The following MRPL53 variants were observed in gnomAD, a reference collection of about 807,000 sequenced individuals.
MRPL53 encodes the protein large ribosomal subunit protein mL53.
MRPL53 carries 7 observed loss-of-function variants against 7.5 expected under a neutral mutation model. The observed-to-expected ratio is 0.93, with a 90% CI of 0.53 to 1.75. The LOEUF (loss-of-function observed/expected upper bound fraction) is 1.75. MRPL53 is among the 40% of genes most tolerant of loss of function. The pLI, the probability that MRPL53 is intolerant of heterozygous loss-of-function variation, is 0.00. For synonymous variants in MRPL53, 84 were observed against 64.4 expected (o/e 1.30, Z -1.46); for missense variants, 185 against 159.0 (o/e 1.16, Z -0.88).
In MRPL53 at chr2:74,472,415, A is replaced by G. The variant is rs763855401; in HGVS notation, c.148T>C (p.Ser50Pro). ...EKVRSTNLNC[S>P]VIADVRHDGS... Reference sequence around the variant, plus strand: ...TCATGCCTCACGTCCGCAATCACTGAGCAGTTGAGATTAGTGGAGCGGACC... The same window carrying G: ...TCATGCCTCACGTCCGCAATCACTGGGCAGTTGAGATTAGTGGAGCGGACC... The change falls in exon 2 of 3, where the codon TCA becomes CCA. Residue 50 changes from serine to proline, a missense_variant. Coordinates refer to ENST00000258105, the MANE Select transcript of MRPL53 (RefSeq NM_053050.5). The G allele has an allele frequency of 1.2e-6, 2 of 1,613,978 alleles. No homozygotes were observed. Among genetic ancestry groups the G allele is most frequent in the Admixed American group, 1.7e-5 (1 of 59,988 alleles).
Position 74,472,168 on chromosome 2 carries a change from C to T in MRPL53, c.290G>A (p.Arg97Lys), listed in dbSNP as rs369319739. 6 of 1,614,204 alleles carry T rather than the reference C, an allele frequency of 3.7e-6. No homozygotes were observed. Among genetic ancestry groups the T allele is most frequent in the East Asian group, 4.5e-5 (2 of 44,888 alleles). Reference sequence around the variant, plus strand: ...CTTGTCCCCGCTGCCCGCCGCGTCCCTGGCCCGGATGTGGGAGGCGAAGGC... The same window carrying T: ...CTTGTCCCCGCTGCCCGCCGCGTCCTTGGCCCGGATGTGGGAGGCGAAGGC... ...LTAFASHIRARDAAGSGDKPG... is the reference protein window; with the variant it reads ...LTAFASHIRAKDAAGSGDKPG... Residue 97 changes from arginine (R) to lysine (K), a missense_variant, in exon 3 of 3, where the codon AGG becomes AAG. By Grantham distance (26) the Arg-to-Lys change is conservative. Transcript: ENST00000258105.
rs370308841 is a variant in MRPL53, at chr2:74,472,368, G to A, written c.195C>T (p.Asp65=). ...VRHDGSEPCV[D]VLFGDGHRLI... ...CTCCACCAAGCCCACCGAACAGCACGTCCACGCAGGGCTCGGAGCCGTCAT... is the reference window on the plus strand; with the variant it reads ...CTCCACCAAGCCCACCGAACAGCACATCCACGCAGGGCTCGGAGCCGTCAT... Residue 65 remains aspartate (D), a synonymous_variant, in exon 2 of 3, where the codon GAC becomes GAT. Coordinates refer to ENST00000258105, the MANE Select transcript of MRPL53 (RefSeq NM_053050.5). 1 of 1,613,882 alleles carries A rather than the reference G, an allele frequency of 6.2e-7. No homozygotes were observed. Among genetic ancestry groups the A allele is most frequent in the Middle Eastern group, 1.6e-4 (1 of 6,062 alleles).
In MRPL53 at chr2:74,472,583, G is replaced by T; in HGVS notation, c.78C>A (p.Asn26Lys). ...VRVQFCPFEK[N>K]VESTRTFLQT... ...CCCCTTCGTACCTCGTCGATTCCAC[G>T]TTTTTCTCGAAGGGACAGAACTGAA... The change falls in exon 1 of 3, where the codon AAC becomes AAA. Residue 26 changes from asparagine to lysine, a missense_variant. Coordinates refer to ENST00000258105, the MANE Select transcript of MRPL53 (RefSeq NM_053050.5). 1 of 1,614,246 alleles carries T rather than the reference G, an allele frequency of 6.2e-7. No individual in the cohort carries two copies. The highest frequency in any genetic ancestry group is 1.3e-5 in the African/African-American group (1 of 75,064).
In MRPL53 at chr2:74,471,992, A is replaced by G. The variant is rs1454560230; in HGVS notation, c.*127T>C. ...CTTGTTCCAGAAACATTGTGGTAGC[A>G]GGGTTTTAAACTTTATTTTGCGCTC... On this transcript the variant is annotated 3_prime_UTR_variant, in exon 3 of 3. Coordinates refer to ENST00000258105, the MANE Select transcript of MRPL53 (RefSeq NM_053050.5). 1.6e-6 allele frequency: 2 copies of G among 1,215,518 alleles called. No individual in the cohort carries two copies. Among genetic ancestry groups the G allele is most frequent in the Admixed American group, 4.5e-5 (2 of 44,360 alleles). 75.3% of individuals were successfully genotyped at this position (1,215,518 alleles called of 1,614,324 possible). A position where few individuals can be genotyped will look rare whatever the true frequency, so the allele number is the denominator to read the frequency against.
chr2:74,472,386 G>A lies in MRPL53; in HGVS notation c.177C>T (p.Gly59=). Residue 59 remains glycine (G), a synonymous_variant, in exon 2 of 3, where the codon GGC becomes GGT. Coordinates refer to ENST00000258105, the MANE Select transcript of MRPL53 (RefSeq NM_053050.5). The part of the protein sequence containing the change: ...CSVIADVRHD[G]SEPCVDVLFG... ...ACAGCACGTCCACGCAGGGCTCGGA[G>A]CCGTCATGCCTCACGTCCGCAATCA... is the stretch of plus-strand genomic sequence containing the variant. 1.2e-6 allele frequency: 2 copies of A among 1,614,026 alleles called. No homozygotes were observed. Among genetic ancestry groups the A allele is most frequent in the Non-Finnish European group, 8.5e-7 (1 of 1,179,940 alleles).
rs781118811 is a variant in MRPL53, at chr2:74,472,113, G to A, written c.*6C>T. 2 of 1,613,648 alleles carry A rather than the reference G, an allele frequency of 1.2e-6. No homozygotes were observed. The highest frequency in any genetic ancestry group is 1.7e-5 in the Admixed American group (1 of 59,998). On this transcript the variant is annotated 3_prime_UTR_variant, in exon 3 of 3. Transcript: ENST00000258105. ...TAAAATCATCTTGTTGGTCTCTTTG[G>A]CGCTGTCAGCGACCAGTATCAGCGC...
chr2:74,472,559 C>G lies in MRPL53; in HGVS notation c.92+10G>C. 1 of 1,614,240 alleles carries G rather than the reference C, an allele frequency of 6.2e-7. No individual in the cohort carries two copies. Among genetic ancestry groups the G allele is most frequent in the Non-Finnish European group, 8.5e-7 (1 of 1,180,012 alleles). Reference sequence around the variant, plus strand: ...ACCACTTCCCGCTTCTACCCACTTCCCCTTCGTACCTCGTCGATTCCACGT... The same window carrying G: ...ACCACTTCCCGCTTCTACCCACTTCGCCTTCGTACCTCGTCGATTCCACGT... On this transcript the variant is annotated intron_variant, in intron 1 of 2. Transcript: ENST00000258105.
Position 74,472,447 on chromosome 2 carries a change from C to T in MRPL53, c.116G>A (p.Ser39Asn), listed in dbSNP as rs780460509. 6.2e-6 allele frequency: 10 copies of T among 1,613,896 alleles called. No individual in the cohort carries two copies. The African/African-American group carries it at 1.2e-4, about 19-fold the overall frequency. Residue 39 changes from serine (S) to asparagine (N), a missense_variant, in exon 2 of 3, where the codon AGT becomes AAT. Coordinates refer to ENST00000258105, the MANE Select transcript of MRPL53 (RefSeq NM_053050.5). ...GAGATTAGTGGAGCGGACCTTCTCA[C>T]TGCTCACCGTCTGCAGGAAGGTCCT... ...STRTFLQTVSSEKVRSTNLNC... is the reference protein window; with the variant it reads ...STRTFLQTVSNEKVRSTNLNC...
Position 74,472,490 on chromosome 2 carries a change from G to A in MRPL53, c.93-20C>T, listed in dbSNP as rs766989268. 5 of 1,613,836 alleles carry A rather than the reference G, an allele frequency of 3.1e-6. No homozygotes were observed. The highest frequency in any genetic ancestry group is 3.3e-5 in the Admixed American group (2 of 60,016). ...AAGGTCCTACGGTGGAAAAACAGAG[G>A]AGCGCCAAGCTGAGGGCTTAAAGCC... is the stretch of plus-strand genomic sequence containing the variant. On this transcript the variant is annotated intron_variant, in intron 1 of 2. Transcript: ENST00000258105.
In MRPL53 at chr2:74,472,245, C is replaced by A. The variant is rs777400597; in HGVS notation, c.213G>T (p.Gly71=). The part of the protein sequence containing the change: ...EPCVDVLFGD[G]HRLIMRGAHL... ...GAGCGCCGCGCATAATCAGGCGATG[C>A]CCGTCTCCTGGGGAAGAAACAAACG... Residue 71 remains glycine, a synonymous_variant, in exon 3 of 3, where the codon GGG becomes GGT. Coordinates refer to ENST00000258105, the MANE Select transcript of MRPL53 (RefSeq NM_053050.5). 4 of 1,614,100 alleles carry A rather than the reference C, an allele frequency of 2.5e-6. No homozygotes were observed. The South Asian group carries it at 4.4e-5, about 18-fold the overall frequency.
Position 74,471,994 on chromosome 2 carries a change from G to C in MRPL53, c.*125C>G. 8.0e-7 allele frequency: 1 copy of C among 1,245,900 alleles called. No homozygotes were observed. Among genetic ancestry groups the C allele is most frequent in the Non-Finnish European group, 1.1e-6 (1 of 893,586 alleles). The allele number at this position is 1,245,900 out of a possible 1,614,324, so 77.2% of individuals were successfully genotyped here. ...TGTTCCAGAAACATTGTGGTAGCAGGGTTTTAAACTTTATTTTGCGCTCCG... is the reference window on the plus strand; with the variant it reads ...TGTTCCAGAAACATTGTGGTAGCAGCGTTTTAAACTTTATTTTGCGCTCCG... On this transcript the variant is annotated 3_prime_UTR_variant, in exon 3 of 3. Coordinates refer to ENST00000258105, the MANE Select transcript of MRPL53 (RefSeq NM_053050.5).
At chr2:74,472,291 C>T in intron 2 of MRPL53, 39 bp from the exon 3 acceptor site, 3 of 1,613,208 alleles carry the variant, frequency 1.9e-6, no homozygotes, top group Non-Finnish European at 2.5e-6. Context: ...GGAGGGACCG[C>T]AGTGCTGGGG....
In MRPL53 at chr2:74,472,652, A is replaced by G. The variant is rs745946740; in HGVS notation, c.9T>C (p.Ala3=). 2 of 1,614,236 alleles carry G rather than the reference A, an allele frequency of 1.2e-6. No homozygotes were observed. Among genetic ancestry groups the G allele is most frequent in the South Asian group, 1.1e-5 (1 of 91,086 alleles). The stretch of plus-strand genomic sequence containing the variant: ...GCCGCAGACCAAGCCGAGCCAAGGC[A>G]GCTGCCATGGTGACCTCCGCCCCGG... The part of the protein sequence containing the change: MA[A]ALARLGLRPV... The change falls in exon 1 of 3, where the codon GCT becomes GCC. Residue 3 remains alanine (A), a synonymous_variant. Transcript: ENST00000258105.
rs148007344 is a variant in MRPL53 at position 74,472,457 on chromosome 2, T to C, written c.106A>G (p.Thr36Ala). Residue 36 changes from threonine (T) to alanine (A), a missense_variant, in exon 2 of 3, where the codon ACG becomes GCG. Transcript: ENST00000258105. ...GAGCGGACCTTCTCACTGCTCACCG[T>C]CTGCAGGAAGGTCCTACGGTGGAAA... ...NVESTRTFLQ[T>A]VSSEKVRSTN... The C allele has an allele frequency of 2.6e-3, 4,224 of 1,613,992 alleles. 31 individuals are homozygous for C. In the African/African-American group the frequency reaches 0.027, roughly 10 times the overall value.
rs758633639 is a variant in MRPL53 at position 74,472,612 on chromosome 2, G to T, written c.49C>A (p.Arg17=). ...RLGLRPVKQV[R]VQFCPFEKNV... ...TTCTCGAAGGGACAGAACTGAACCC[G>T]AACCTGTTTGACAGGCCGCAGACCA... The change falls in exon 1 of 3, where the codon CGG becomes AGG. Residue 17 remains arginine (R), a synonymous_variant. Transcript: ENST00000258105. The T allele has an allele frequency of 6.2e-7, 1 of 1,614,222 alleles. No homozygotes were observed. The highest frequency in any genetic ancestry group is 8.5e-7 in the Non-Finnish European group (1 of 1,180,048).
At position 74,472,123 on chromosome 2, in the gene MRPL53, C is replaced by G. The variant is rs994442221; in HGVS notation, c.335G>C (p.Arg112Pro). ...SGDKPGADTG[R>P] ...TTGTTGGTCTCTTTGGCGCTGTCAG[C>G]GACCAGTATCAGCGCCCGGCTTGTC... The change falls in exon 3 of 3, where the codon CGC (arginine) becomes CCC (proline). Residue 112 changes from arginine to proline, a missense_variant. Arg to Pro is a moderately radical substitution (Grantham distance 103). Coordinates refer to ENST00000258105, the MANE Select transcript of MRPL53 (RefSeq NM_053050.5). The G allele has an allele frequency of 2.5e-6, 4 of 1,613,836 alleles. No individual in the cohort carries two copies. The African/African-American group carries it at 5.3e-5, about 22-fold the overall frequency.
rs1414469378 is a variant in MRPL53, at chr2:74,472,445, C to G, written c.118G>C (p.Glu40Gln). The G allele has an allele frequency of 6.2e-7, 1 of 1,613,968 alleles. No individual in the cohort carries two copies. The highest frequency in any genetic ancestry group is 1.7e-5 in the Admixed American group (1 of 60,002). ...TTGAGATTAGTGGAGCGGACCTTCTCACTGCTCACCGTCTGCAGGAAGGTC... is the reference window on the plus strand; with the variant it reads ...TTGAGATTAGTGGAGCGGACCTTCTGACTGCTCACCGTCTGCAGGAAGGTC... ...TRTFLQTVSS[E>Q]KVRSTNLNCS... The change falls in exon 2 of 3, where the codon GAG (glutamate) becomes CAG (glutamine). Residue 40 changes from glutamate (E) to glutamine (Q), a missense_variant. By Grantham distance (29) the Glu-to-Gln change is conservative. Transcript: ENST00000258105.
rs754394582 is a variant in MRPL53 at position 74,472,605 on chromosome 2, T to C, written c.56A>G (p.Gln19Arg). The change falls in exon 1 of 3, where the codon CAG becomes CGG. Residue 19 changes from glutamine (Q) to arginine (R), a missense_variant. Physicochemically the swap from Gln to Arg is conservative, Grantham distance 43. Transcript: ENST00000258105. ...GLRPVKQVRVQFCPFEKNVES... is the reference protein window; with the variant it reads ...GLRPVKQVRVRFCPFEKNVES... ...CACGTTTTTCTCGAAGGGACAGAAC[T>C]GAACCCGAACCTGTTTGACAGGCCG... 7.4e-6 allele frequency: 12 copies of C among 1,614,112 alleles called. No homozygotes were observed. In the East Asian group the frequency reaches 1.6e-4, roughly 21 times the overall value.
Position 74,472,227 on chromosome 2 carries a change from G to C in MRPL53, c.231C>G (p.Arg77=). 1 of 1,614,174 alleles carries C rather than the reference G, an allele frequency of 6.2e-7. No homozygotes were observed. Among genetic ancestry groups the C allele is most frequent in the Non-Finnish European group, 8.5e-7 (1 of 1,180,032 alleles). ...LFGDGHRLIM[R]GAHLTALEML... ...TTTCCAGAGCGGTGAGATGAGCGCC[G>C]CGCATAATCAGGCGATGCCCGTCTC... The change falls in exon 3 of 3, where the codon CGC becomes CGG. Residue 77 remains arginine, a synonymous_variant. Coordinates refer to ENST00000258105, the MANE Select transcript of MRPL53 (RefSeq NM_053050.5).
Sources: gnomAD v4.1 joint callset for allele counts on GRCh38, gnomAD v4.1.1 for gene constraint, MANE v1.5 for transcripts, NCBI Gene and HGNC (gene_info 2026-07-23, HGNC 2026-07-21) for gene names.